The following DOC2B variants were observed in gnomAD, a reference collection of about 807,000 sequenced individuals.
DOC2B encodes double C2 domain beta.
A neutral mutation model predicts 28.9 loss-of-function variants in DOC2B; 21 were observed. The ratio of observed to expected loss-of-function variants is 0.73; its 90% confidence interval spans 0.52 to 1.05. DOC2B has a LOEUF of 1.05. Among genes scored for constraint, DOC2B ranks in the 50% least tolerant of loss-of-function variants. The probability of loss-of-function intolerance (pLI) is 0.00; values close to 1 mark genes in which losing one functional copy is unlikely to be tolerated. For missense variants in DOC2B, 384 were observed against 421.1 expected (o/e 0.91, Z 0.77); for synonymous variants, 194 against 178.1 (o/e 1.09, Z -0.71).
chr17:158,934 A>AC (rs1389525397), intron 5 of DOC2B, among the ~76,000 whole-genome samples: 5 of 146,958 alleles, frequency 3.4e-5, no homozygotes, highest in African/African-American at 1.2e-4. Context: ...AATCCCAGCT[A>AC]TTGGGAGGCT....
At chr17:149,353 G>T (rs2040048057) in intron 6 of DOC2B, among the ~76,000 whole-genome samples, 161 bp from the exon 7 acceptor site, 9 of 152,116 alleles carry the variant, frequency 5.9e-5, no homozygotes. Context: ...TGTGGCAAAG[G>T]CGAGACGTTG....
chr17:181,045 C>T lies in DOC2B; in HGVS notation c.373+62G>A. 8.3e-7 allele frequency: 1 copy of T among 1,198,818 alleles called. No individual in the cohort carries two copies. Among genetic ancestry groups the T allele is most frequent in the Non-Finnish European group, 1.0e-6 (1 of 961,344 alleles). The allele number at this position is 1,198,818 out of a possible 1,614,324, so 74.3% of individuals were successfully genotyped here. On this transcript the variant is annotated intron_variant, in intron 1 of 8. Coordinates refer to ENST00000613549, the MANE Select transcript of DOC2B (RefSeq NM_003585.5). This position sits in a 1 kb window ranked among gnomAD's most constrained non-coding sequence, Gnocchi z 7.0. ...GGACCGGCGGAGGGAAGCCGCGAGG[C>T]CGTGGGGGGGCCGAGCCCGAGCCAG...
chr17:175,664 G>T (rs551809542), intron 1 of DOC2B, among the ~76,000 whole-genome samples: 18 of 152,214 alleles, frequency 1.2e-4, no homozygotes, highest in Non-Finnish European at 2.1e-4. Flanking sequence ...GGTGCTCCCA[G>T]GAGCTGGGAT....
At chr17:172,215 G>T (rs1228232490) in intron 2 of DOC2B, among the ~76,000 whole-genome samples, 2 of 151,352 alleles carry the variant, frequency 1.3e-5, no homozygotes, top group Admixed American at 6.6e-5. Flanking sequence ...CCCTTGGCCT[G>T]CAGGACAGAC....
intron 5 of DOC2B, among the ~76,000 whole-genome samples, chr17:160,055 G>T (rs1003601533): frequency 2.0e-5 from 3 of 150,524 alleles, no homozygotes; most frequent in Non-Finnish European, 4.4e-5. Context: ...TGCAATCTCG[G>T]CTCACTGCAA....
intron 2 of DOC2B, among the ~76,000 whole-genome samples, chr17:166,843 G>C (rs71372137): frequency 2.9e-4 from 2 of 6,782 alleles, no homozygotes; most frequent in Non-Finnish European, 2.8e-4. Flanking sequence ...GTCTGACACT[G>C]TTCTTGAGGT....
chr17:179,738 G>A (rs568567004), intron 1 of DOC2B, among the ~76,000 whole-genome samples: 2 of 152,028 alleles, frequency 1.3e-5, no homozygotes, highest in South Asian at 4.2e-4. Flanking sequence ...TCCCCAAGCT[G>A]GCAGGAAAGT....
At chr17:154,371 C>T (rs993711564) in intron 6 of DOC2B, among the ~76,000 whole-genome samples, 1 of 150,930 alleles carries the variant, frequency 6.6e-6, no homozygotes, top group East Asian at 1.9e-4. Flanking sequence ...TTCCACGCAC[C>T]TGCTACACTC....
intron 5 of DOC2B, among the ~76,000 whole-genome samples, chr17:160,154 T>C (rs1313284662): frequency 6.6e-6 from 1 of 152,086 alleles, no homozygotes; most frequent in Admixed American, 6.6e-5. Flanking sequence ...CCGGCTAATT[T>C]TTTTATTTTT....
intron 5 of DOC2B, among the ~76,000 whole-genome samples, chr17:156,887 C>T (rs2040142151): frequency 6.6e-6 from 1 of 152,194 alleles, no homozygotes; most frequent in Non-Finnish European, 1.5e-5. Context: ...CTGGTTCTTA[C>T]TTTTTGGAAT....
At chr17:179,682 G>A (rs920990709) in intron 1 of DOC2B, among the ~76,000 whole-genome samples, 16 of 152,116 alleles carry the variant, frequency 1.1e-4, no homozygotes, top group Admixed American at 2.6e-4. Flanking sequence ...AGGGGGGGTG[G>A]ATCTAGGGCA....
At chr17:147,762 C>G (rs1382742959) in intron 8 of DOC2B, among the ~76,000 whole-genome samples, 185 bp from the exon 9 acceptor site, 1 of 152,230 alleles carries the variant, frequency 6.6e-6, no homozygotes, top group African/African-American at 2.4e-5. Flanking sequence ...GCCATCCTGT[C>G]TCTCTTCCAC....
chr17:178,425 A>G (rs943336198), intron 1 of DOC2B, among the ~76,000 whole-genome samples: 7 of 152,232 alleles, frequency 4.6e-5, no homozygotes, highest in African/African-American at 1.7e-4. Flanking sequence ...TAGTGATTAC[A>G]GCTTTGAAGA....
chr17:164,016 G>A (rs2040233434), intron 3 of DOC2B, 114 bp downstream of exon 3: 6 of 778,858 alleles, frequency 7.7e-6, no homozygotes, highest in Non-Finnish European at 1.3e-5. Flanking sequence ...GCAGCTGTGG[G>A]CCTCCCTGGG....
At position 146,686 on chromosome 17, in the gene DOC2B, G is replaced by A. The variant is rs1190317456; in HGVS notation, c.*755C>T. On this transcript the variant is annotated 3_prime_UTR_variant, in exon 9 of 9. Transcript: ENST00000613549. ...CCCTCCAAGGCCTTACGGAAGCACC[G>A]CCTCCTCCAGGAAGCCGTCCCTGAC... The A allele has an allele frequency of 1.3e-5, 2 of 152,236 alleles. No homozygotes were observed. The highest frequency in any genetic ancestry group is 2.9e-5 in the Non-Finnish European group (2 of 68,102). The allele number at this position is 152,236 out of a possible 1,614,324, so 9.4% of individuals were successfully genotyped here.
At chr17:171,968 C>T (rs1191634662) in intron 2 of DOC2B, among the ~76,000 whole-genome samples, 5 of 148,836 alleles carry the variant, frequency 3.4e-5, no homozygotes, top group South Asian at 2.1e-4. Context: ...CACCAGGGGC[C>T]GGGCCAGGCT....
chr17:172,037 C>T (rs2040318017), intron 2 of DOC2B, among the ~76,000 whole-genome samples: 1 of 152,064 alleles, frequency 6.6e-6, no homozygotes, highest in Non-Finnish European at 1.5e-5. Flanking sequence ...GCACCCACAA[C>T]CCCAGCCCAC....
intron 5 of DOC2B, among the ~76,000 whole-genome samples, chr17:160,849 T>C (rs1555523138): frequency 6.6e-6 from 1 of 152,158 alleles, no homozygotes; most frequent in East Asian, 1.9e-4. Context: ...GAAAGGATAC[T>C]CTGCTGTCTC....
intron 1 of DOC2B, among the ~76,000 whole-genome samples, chr17:179,679 G>A (rs1039495732): frequency 6.7e-6 from 1 of 150,110 alleles, no homozygotes; most frequent in Admixed American, 6.6e-5. Context: ...GGGAGGGGGG[G>A]TGGATCTAGG....
Sources: allele counts gnomAD v4.1 joint callset (sites outside exome capture counted in the v4.1 genomes callset), GRCh38; gene constraint gnomAD v4.1.1; non-coding constraint Gnocchi (gnomAD v3.1); transcripts MANE v1.5; gene names NCBI Gene and HGNC (gene_info 2026-07-23, HGNC 2026-07-21).